The following LDLRAD3 variants were observed in gnomAD, a reference collection of about 807,000 sequenced individuals.
The protein encoded by LDLRAD3 is low-density lipoprotein receptor class A domain-containing protein 3.
In LDLRAD3, 20 loss-of-function variants were observed where a neutral mutation model predicts 29.4. The ratio of observed to expected loss-of-function variants is 0.68; its 90% CI spans 0.48 to 0.99. The LOEUF (loss-of-function observed/expected upper bound fraction) is 0.99. Among genes scored for constraint, LDLRAD3 ranks in the 50% least tolerant of loss-of-function variants. The pLI is 0.00. For synonymous variants in LDLRAD3, 157 were observed against 192.7 expected, an observed-to-expected ratio of 0.81 and a Z score of 1.53; for missense variants, 420 against 454.3, an observed-to-expected ratio of 0.92 and a Z score of 0.69.
intron 4 of LDLRAD3, among the ~76,000 whole-genome samples, chr11:36,193,137 G>T (rs1854980963): frequency 6.6e-6 from 1 of 152,160 alleles, no homozygotes; most frequent in African/African-American, 2.4e-5. Flanking sequence ...CCGAGCCCCA[G>T]TTTCCTCATC....
intron 1 of LDLRAD3, among the ~76,000 whole-genome samples, chr11:35,955,329 A>G (rs770566777): frequency 2.6e-5 from 4 of 152,240 alleles, no homozygotes; most frequent in Non-Finnish European, 5.9e-5. Flanking sequence ...TTTAAAAGGA[A>G]ATAAAACTTT....
chr11:35,973,758 AC>A (rs1334912070), intron 1 of LDLRAD3, among the ~76,000 whole-genome samples: 1 of 152,068 alleles, frequency 6.6e-6, no homozygotes, highest in Non-Finnish European at 1.5e-5. Flanking sequence ...GGCGTGAGTC[AC>A]CGTGCCCAAT....
intron 2 of LDLRAD3, among the ~76,000 whole-genome samples, chr11:36,068,080 G>T (rs1036795002): frequency 6.6e-6 from 1 of 151,808 alleles, no homozygotes; most frequent in African/African-American, 2.4e-5. Flanking sequence ...TTGGCCAGGT[G>T]TTTTTTTTAG....
chr11:36,001,758 CGT>C (rs3220787), intron 1 of LDLRAD3, among the ~76,000 whole-genome samples: 7,985 of 148,320 alleles, frequency 0.054, 441 homozygotes, highest in African/African-American at 0.14. Context: ...ATATTGTATA[CGT>C]GTGTGTGTGT....
At chr11:36,135,533 A>T (rs1175240833) in intron 4 of LDLRAD3, among the ~76,000 whole-genome samples, 10 of 152,210 alleles carry the variant, frequency 6.6e-5, no homozygotes, top group Non-Finnish European at 1.2e-4. Flanking sequence ...ACAGTGATTT[A>T]AAAAGCATGA....
At position 35,986,880 on chromosome 11, in the gene LDLRAD3, C is replaced by T. The variant is rs1851621562; in HGVS notation, c.46+42736C>T. Among the ~76,000 whole-genome samples the T allele has an allele frequency of 2.6e-5, 4 of 152,184 alleles. No homozygotes were observed. The South Asian group carries it at 8.3e-4, about 31-fold the overall frequency. On this transcript the variant is annotated intron_variant, in intron 1 of 5. Coordinates refer to ENST00000315571, the MANE Select transcript of LDLRAD3 (RefSeq NM_174902.4). ...CATTGAATCTGAGTAAAAGCTCAGGCATGAGTAGTGTTGGGCCCATTTACT... is the reference window on the plus strand; with the variant it reads ...CATTGAATCTGAGTAAAAGCTCAGGTATGAGTAGTGTTGGGCCCATTTACT...
intron 4 of LDLRAD3, among the ~76,000 whole-genome samples, chr11:36,181,055 C>A (rs1348611791): frequency 6.6e-6 from 1 of 152,030 alleles, no homozygotes; most frequent in Non-Finnish European, 1.5e-5. Context: ...GGTAGCTGAT[C>A]TCGGGCAGAG....
intron 1 of LDLRAD3, among the ~76,000 whole-genome samples, chr11:36,005,323 C>T (rs577139317): frequency 1.3e-5 from 2 of 152,166 alleles, no homozygotes; most frequent in African/African-American, 4.8e-5. Flanking sequence ...TGTGAGATAC[C>T]CTAAATCATC....
chr11:36,145,477 G>A, intron 4 of LDLRAD3, among the ~76,000 whole-genome samples: 1 of 146,682 alleles, frequency 6.8e-6, no homozygotes, highest in African/African-American at 2.6e-5. Flanking sequence ...GAGCCTCTCT[G>A]CCCGGCCACC....
At chr11:36,084,096 A>ATT (rs11373734) in intron 3 of LDLRAD3, among the ~76,000 whole-genome samples, 7 of 150,768 alleles carry the variant, frequency 4.6e-5, no homozygotes, top group Non-Finnish European at 5.9e-5. Flanking sequence ...TTTAAAAGCA[A>ATT]TTTTTTTTTG....
intron 3 of LDLRAD3, among the ~76,000 whole-genome samples, chr11:36,091,607 C>A (rs1853281790): frequency 6.6e-6 from 1 of 152,020 alleles, no homozygotes; most frequent in Non-Finnish European, 1.5e-5. Flanking sequence ...AGCTTTTGAG[C>A]CTATGGTTCA....
chr11:36,075,153 C>A (rs1208131411), intron 2 of LDLRAD3, among the ~76,000 whole-genome samples: 1 of 152,144 alleles, frequency 6.6e-6, no homozygotes, highest in African/African-American at 2.4e-5. Context: ...ACCGTGAGCA[C>A]TGAGCCTCTA....
At chr11:35,995,469 G>A (rs1310809902) in intron 1 of LDLRAD3, among the ~76,000 whole-genome samples, 1 of 152,208 alleles carries the variant, frequency 6.6e-6, no homozygotes, top group Non-Finnish European at 1.5e-5. Context: ...AGTGCAGGCA[G>A]GTTAGAGTTA....
chr11:36,208,766 AG>A (rs1186491081), intron 4 of LDLRAD3, among the ~76,000 whole-genome samples: 1 of 98,628 alleles, frequency 1.0e-5, no homozygotes, highest in East Asian at 2.7e-4. Flanking sequence ...TCAAGGAAAT[AG>A]GGGGGAAAAA....
chr11:35,996,960 T>C (rs1301499655), intron 1 of LDLRAD3, among the ~76,000 whole-genome samples: 1 of 152,128 alleles, frequency 6.6e-6, no homozygotes, highest in Non-Finnish European at 1.5e-5. Flanking sequence ...CATGTACCTT[T>C]GGGAATATAG....
At chr11:36,100,563 C>T (rs562061956) in intron 4 of LDLRAD3, among the ~76,000 whole-genome samples, 49 of 152,286 alleles carry the variant, frequency 3.2e-4, no homozygotes, top group African/African-American at 1.2e-3. Flanking sequence ...CCTCAGCCTC[C>T]CAAGTAGCTG....
rs187329045 is a variant in LDLRAD3, at chr11:36,213,469, C to A, written c.455-13616C>A. Among the ~76,000 whole-genome samples, 1 of 152,228 alleles carries A rather than the reference C, an allele frequency of 6.6e-6. No homozygotes were observed. The highest frequency in any genetic ancestry group is 1.9e-4 in the East Asian group (1 of 5,194). On this transcript the variant is annotated intron_variant, in intron 4 of 5. Transcript: ENST00000315571. This position sits in a 1 kb window ranked among gnomAD's most constrained non-coding sequence, Gnocchi z 4.1. ...TGCTTGGAATAGGGATCCGCAAAGG[C>A]GCTCCAGCCCCATGGGATGCTTTTT...
intron 2 of LDLRAD3, among the ~76,000 whole-genome samples, chr11:36,055,884 G>T (rs969456946): frequency 6.6e-6 from 1 of 151,552 alleles, no homozygotes; most frequent in African/African-American, 2.4e-5. Context: ...CTTGCAGGTG[G>T]ACCTGCACAT....
chr11:36,185,427 C>G (rs567303796), intron 4 of LDLRAD3, among the ~76,000 whole-genome samples: 69 of 152,318 alleles, frequency 4.5e-4, no homozygotes, highest in African/African-American at 1.6e-3. Context: ...CACAGCTGTT[C>G]AGATGAACTT....
Sources: allele counts gnomAD v4.1 joint callset (sites outside exome capture counted in the v4.1 genomes callset), GRCh38; gene constraint gnomAD v4.1.1; non-coding constraint Gnocchi (gnomAD v3.1); transcripts MANE v1.5; gene names NCBI Gene and HGNC (gene_info 2026-07-23, HGNC 2026-07-21).